CDH13: variants seen among roughly 807,000 people sequenced by gnomAD.
CDH13 encodes cadherin-13.
CDH13 carries 24 observed loss-of-function variants against 63.8 expected under a neutral mutation model. The ratio of observed to expected loss-of-function variants is 0.38; its 90% CI spans 0.27 to 0.53. The LOEUF (loss-of-function observed/expected upper bound fraction) is 0.53, where lower values mean the gene tolerates loss of function less well. Ranked by LOEUF, CDH13 falls within the 20% of genes least tolerant of loss-of-function variation. CDH13 has a pLI of 0.85. For synonymous variants in CDH13, 503 were observed against 355.3 expected, an observed-to-expected ratio of 1.42 and a Z score of -4.67; for missense variants, 1,049 against 903.1, an observed-to-expected ratio of 1.16 and a Z score of -2.07.
intron 6 of CDH13, among the ~76,000 whole-genome samples, chr16:83,447,316 A>C (rs1216607180): frequency 6.6e-6 from 1 of 151,630 alleles, no homozygotes; most frequent in Non-Finnish European, 1.5e-5. Context: ...TCAGGAGGCC[A>C]AGGCAGGAGA....
chr16:82,975,560 G>T (rs990038193), intron 2 of CDH13, among the ~76,000 whole-genome samples: 1 of 152,228 alleles, frequency 6.6e-6, no homozygotes, highest in Non-Finnish European at 1.5e-5. Flanking sequence ...CCCTAATACA[G>T]TGAATGGTAT....
intron 2 of CDH13, among the ~76,000 whole-genome samples, chr16:82,889,412 A>G (rs753628847): frequency 6.6e-6 from 1 of 152,166 alleles, no homozygotes; most frequent in Non-Finnish European, 1.5e-5. Flanking sequence ...GACTTAAGGC[A>G]ACTCGCTTTC....
intron 1 of CDH13, among the ~76,000 whole-genome samples, chr16:82,755,944 C>T (rs1407887292): frequency 6.6e-6 from 1 of 152,134 alleles, no homozygotes; most frequent in East Asian, 1.9e-4. Context: ...GCCAGGAAGA[C>T]TTTACATGTT....
chr16:83,021,625 T>A (rs1366504349), intron 2 of CDH13, among the ~76,000 whole-genome samples: 1 of 152,218 alleles, frequency 6.6e-6, no homozygotes, highest in African/African-American at 2.4e-5. Flanking sequence ...TGATATCTTC[T>A]GCTGACATGA....
At chr16:82,865,854 T>G (rs2040117034) in intron 2 of CDH13, among the ~76,000 whole-genome samples, 1 of 152,228 alleles carries the variant, frequency 6.6e-6, no homozygotes, top group Non-Finnish European at 1.5e-5. Context: ...TTCCAAACTT[T>G]TATGCTGTGC....
At chr16:82,964,672 C>T (rs1429174272) in intron 2 of CDH13, among the ~76,000 whole-genome samples, 1 of 152,160 alleles carries the variant, frequency 6.6e-6, no homozygotes, top group Admixed American at 6.5e-5. Flanking sequence ...TGTAAAGCTT[C>T]CAGTGGTTAA....
At chr16:82,713,145 T>A (rs546717775) in intron 1 of CDH13, among the ~76,000 whole-genome samples, 12 of 152,160 alleles carry the variant, frequency 7.9e-5, no homozygotes, top group African/African-American at 2.6e-4. Context: ...GAAGTCATTG[T>A]CCCTCAATTT....
chr16:83,442,810 A>G (rs1197292476), intron 6 of CDH13, among the ~76,000 whole-genome samples: 3 of 152,258 alleles, frequency 2.0e-5, no homozygotes, highest in Non-Finnish European at 4.4e-5. Flanking sequence ...ACATCCAGTG[A>G]TGTGCACTTG....
intron 6 of CDH13, among the ~76,000 whole-genome samples, chr16:83,438,169 C>G (rs2072372886): frequency 6.6e-6 from 1 of 152,198 alleles, no homozygotes; most frequent in Admixed American, 6.5e-5. Context: ...ATCAAACTGC[C>G]TACAGGAGAG....
chr16:83,769,686 C>G (rs754565802), intron 11 of CDH13, among the ~76,000 whole-genome samples: 1 of 152,182 alleles, frequency 6.6e-6, no homozygotes, highest in Non-Finnish European at 1.5e-5. Flanking sequence ...CGTGTTTTCA[C>G]CATGTCCTCC....
In CDH13 at chr16:83,646,712, A is replaced by AAAAAACACACAC. The variant is rs1168012793; in HGVS notation, c.1102-24077_1102-24076insAAAACACACACA. 5.2e-4 allele frequency among the ~76,000 whole-genome samples: 42 copies of AAAAAACACACAC among 80,514 alleles called. 1 individual carries two copies. The highest frequency in any genetic ancestry group is 3.8e-3 in the Admixed American group (23 of 6,022). 52.8% of individuals were successfully genotyped at this position (80,514 alleles called of 152,430 possible). On this transcript the variant is annotated intron_variant, in intron 8 of 13. Transcript: ENST00000567109. Reference sequence around the variant, plus strand: ...CGTCTCAAAAAAAAAAAAAAAAAAAAACACACACACACACACACACACACA... The same window carrying AAAAAACACACAC: ...CGTCTCAAAAAAAAAAAAAAAAAAAAAAAAACACACACACACACACACACACACACACACACA...
chr16:82,634,106 GAA>G (rs1307329123), intron 1 of CDH13, among the ~76,000 whole-genome samples: 1 of 152,214 alleles, frequency 6.6e-6, no homozygotes, highest in Non-Finnish European at 1.5e-5. Flanking sequence ...TCTCCTAGCT[GAA>G]CGCAGCCCGG....
At chr16:83,176,512 GAAAAAAA>G (rs869250059) in intron 4 of CDH13, among the ~76,000 whole-genome samples, 3 of 71,782 alleles carry the variant, frequency 4.2e-5, no homozygotes, top group South Asian at 6.5e-4. Context: ...TCCAGCTAGA[GAAAAAAA>G]AAAAAAAAAA....
chr16:82,650,147 A>G (rs1156574762), intron 1 of CDH13, among the ~76,000 whole-genome samples: 1 of 152,218 alleles, frequency 6.6e-6, no homozygotes, highest in Non-Finnish European at 1.5e-5. Context: ...CCAGGGAGAA[A>G]TAGATTTTGT....
rs750003566 is a variant in CDH13 at position 83,670,997 on chromosome 16, T to G, written c.1284+25T>G. On this transcript the variant is annotated intron_variant, in intron 9 of 13. Transcript: ENST00000567109. Reference sequence around the variant, plus strand: ...AGTAAGGGTGCTTCCAATTGCCTCTTTCTCCTCATGCGAGCACGGAGGGCC... The same window carrying G: ...AGTAAGGGTGCTTCCAATTGCCTCTGTCTCCTCATGCGAGCACGGAGGGCC... The G allele has an allele frequency of 5.8e-6, 9 of 1,559,046 alleles. No homozygotes were observed. The South Asian group carries it at 8.6e-5, about 15-fold the overall frequency.
intron 3 of CDH13, among the ~76,000 whole-genome samples, chr16:83,032,672 C>T (rs910048419): frequency 2.0e-5 from 3 of 152,060 alleles, no homozygotes; most frequent in East Asian, 1.9e-4. Context: ...AATTCAGTCT[C>T]GTAGGTTAGA....
chr16:83,478,570 C>G (rs967543246), intron 6 of CDH13, among the ~76,000 whole-genome samples: 1 of 152,166 alleles, frequency 6.6e-6, no homozygotes, highest in African/African-American at 2.4e-5. Flanking sequence ...ATAACAACCC[C>G]TGGATAACTG....
intron 2 of CDH13, among the ~76,000 whole-genome samples, chr16:82,927,183 G>A (rs1293129269): frequency 6.6e-6 from 1 of 152,070 alleles, no homozygotes; most frequent in Non-Finnish European, 1.5e-5. Context: ...GCATCCCAAG[G>A]GAACAAGGTA....
At chr16:82,923,142 G>C (rs372059834) in intron 2 of CDH13, among the ~76,000 whole-genome samples, 6 of 152,184 alleles carry the variant, frequency 3.9e-5, no homozygotes, top group Admixed American at 2.0e-4. Context: ...GGGTTGCCAC[G>C]AAGCTGCAAT....
Sources: gnomAD v4.1 joint callset for allele counts (sites outside exome capture counted in the v4.1 genomes callset) on GRCh38, gnomAD v4.1.1 for gene constraint, MANE v1.5 for transcripts, NCBI Gene and HGNC (gene_info 2026-07-23, HGNC 2026-07-21) for gene names.